The following FBXW12 variants were observed in gnomAD, a reference collection of about 807,000 sequenced individuals.
The protein encoded by FBXW12 is F-box/WD repeat-containing protein 12.
FBXW12 carries 43 observed loss-of-function variants against 55.3 expected under a neutral mutation model. The ratio of observed to expected loss-of-function variants is 0.78; its 90% CI spans 0.61 to 1.00. The LOEUF (loss-of-function observed/expected upper bound fraction) is 1.00, where lower values mean the gene tolerates loss of function less well. Among genes scored for constraint, FBXW12 ranks in the 50% least tolerant of loss-of-function variants. The probability of loss-of-function intolerance (pLI) is 0.00; values close to 1 mark genes in which losing one functional copy is unlikely to be tolerated. For missense variants in FBXW12, 524 were observed against 560.5 expected, an observed-to-expected ratio of 0.93 and a Z score of 0.66; for synonymous variants, 184 against 203.8, an observed-to-expected ratio of 0.90 and a Z score of 0.83.
At position 48,381,707 on chromosome 3, in the gene FBXW12, G is replaced by A. The variant is rs182301974; in HGVS notation, c.993G>A (p.Glu331=). ...TGGQTVIQAY[E]IASFQVAAHL... is the part of the protein sequence containing the mutation. ...CGTTTTACATGAAAACAGCATATGA[G>A]ATCGCAAGTTTCCAGGTGGCAGCTC... The change falls in exon 9 of 11, where the codon GAG becomes GAA. Residue 331 remains glutamate, a synonymous_variant. Coordinates refer to ENST00000296438, the MANE Select transcript of FBXW12 (RefSeq NM_207102.2). 6.4e-7 allele frequency: 1 copy of A among 1,572,966 alleles called. No homozygotes were observed. The highest frequency in any genetic ancestry group is 8.6e-7 in the Non-Finnish European group (1 of 1,160,640).
chr3:48,388,198 G>T (rs536659094), intron 10 of FBXW12, among the ~76,000 whole-genome samples: 3 of 152,182 alleles, frequency 2.0e-5, no homozygotes, highest in Admixed American at 6.5e-5. Context: ...CCCAAGATAT[G>T]CTCTATCTTG....
At chr3:48,387,547 GTT>G (rs2106649526) in intron 10 of FBXW12, among the ~76,000 whole-genome samples, 1 of 25,750 alleles carries the variant, frequency 3.9e-5, no homozygotes, top group Admixed American at 4.2e-4. Context: ...ATTTTTTCTA[GTT>G]TGTTTGTTTG....
chr3:48,375,635 A>G (rs1430709311), intron 5 of FBXW12, among the ~76,000 whole-genome samples, 163 bp downstream of exon 5: 1 of 152,240 alleles, frequency 6.6e-6, no homozygotes, highest in Non-Finnish European at 1.5e-5. Context: ...CATTTGGACC[A>G]TAGACACACA....
At position 48,380,834 on chromosome 3, in the gene FBXW12, A is replaced by G. The variant is rs1225725438; in HGVS notation, c.907A>G (p.Ser303Gly). ...VKNRITLMSQ[S>G]STGKKTEFIT... The stretch of plus-strand genomic sequence containing the variant: ...AAACAGGATAACACTGATGTCCCAA[A>G]GTAGCACTGGAAAAAAGACAGAATT... Residue 303 changes from serine to glycine, a missense_variant, in exon 8 of 11, where the codon AGT becomes GGT. Ser to Gly is a moderately conservative substitution (Grantham distance 56). Transcript: ENST00000296438. 2 of 1,614,196 alleles carry G rather than the reference A, an allele frequency of 1.2e-6. No individual in the cohort carries two copies. Among genetic ancestry groups the G allele is most frequent in the African/African-American group, 1.3e-5 (1 of 75,050 alleles).
intron 10 of FBXW12, among the ~76,000 whole-genome samples, chr3:48,382,485 G>A (rs1269787553): frequency 6.6e-6 from 1 of 152,172 alleles, no homozygotes; most frequent in African/African-American, 2.4e-5. Flanking sequence ...GTTCTCTGAG[G>A]ATAGATATCA....
intron 10 of FBXW12, among the ~76,000 whole-genome samples, chr3:48,388,531 G>A (rs1173039238): frequency 6.6e-6 from 1 of 151,912 alleles, no homozygotes; most frequent in Non-Finnish European, 1.5e-5. Context: ...AATCTTCTTT[G>A]CCCTGAGGTC....
intron 4 of FBXW12, 126 bp from the exon 5 acceptor site, chr3:48,375,228 T>G (rs947332465): frequency 3.0e-6 from 2 of 669,690 alleles, no homozygotes; most frequent in Non-Finnish European, 5.2e-6. Context: ...GGAGCCCAAT[T>G]TCTATCTTCT....
intron 10 of FBXW12, among the ~76,000 whole-genome samples, chr3:48,391,774 ATG>A (rs1365271221): frequency 1.3e-5 from 2 of 151,976 alleles, no homozygotes; most frequent in Non-Finnish European, 2.9e-5. Context: ...AATTCTGTTT[ATG>A]TGGGGAATCA....
chr3:48,382,128 T>TC, intron 10 of FBXW12, 43 bp downstream of exon 10: 1 of 1,608,540 alleles, frequency 6.2e-7, no homozygotes, highest in East Asian at 2.2e-5. Context: ...AAACAACTTT[T>TC]TTTTTTTGAG....
chr3:48,387,576 A>G (rs1487672224), intron 10 of FBXW12, among the ~76,000 whole-genome samples: 2 of 151,520 alleles, frequency 1.3e-5, no homozygotes, highest in Admixed American at 1.3e-4. Flanking sequence ...TTTAGACACA[A>G]TCTCAACCTG....
chr3:48,394,532 A>G, intron 10 of FBXW12, 28 bp from the exon 11 acceptor site: 1 of 1,316,576 alleles, frequency 7.6e-7, no homozygotes. Flanking sequence ...TCTTTTGTTC[A>G]CTGATGATCT....
intron 10 of FBXW12, among the ~76,000 whole-genome samples, chr3:48,390,180 T>C (rs1394367411): frequency 6.6e-6 from 1 of 152,208 alleles, no homozygotes; most frequent in African/African-American, 2.4e-5. Context: ...TCCTCCAGAT[T>C]GCTTTGGCTA....
At chr3:48,386,308 C>T (rs1363806261) in intron 10 of FBXW12, among the ~76,000 whole-genome samples, 1 of 152,128 alleles carries the variant, frequency 6.6e-6, no homozygotes, top group Non-Finnish European at 1.5e-5. Context: ...TATAAATGTG[C>T]AGGTTTATTT....
Position 48,373,575 on chromosome 3 carries a change from C to T in FBXW12, c.156C>T (p.Cys52=). ...CACTATCTCTGCAGAGATGGGACTG[C>T]AGCAACTTCACCAATCAACACCTGG... The part of the protein sequence containing the change: ...WRSLSLQRWD[C]SNFTNQHLGT... Residue 52 remains cysteine (C), a synonymous_variant, in exon 4 of 11, where the codon TGC becomes TGT. Transcript: ENST00000296438. The T allele has an allele frequency of 6.2e-7, 1 of 1,614,078 alleles. No homozygotes were observed. The highest frequency in any genetic ancestry group is 8.5e-7 in the Non-Finnish European group (1 of 1,179,980).
At chr3:48,376,480 C>T (rs1475014736) in intron 5 of FBXW12, among the ~76,000 whole-genome samples, 1 of 152,080 alleles carries the variant, frequency 6.6e-6, no homozygotes, top group Non-Finnish European at 1.5e-5. Context: ...AGATGATCTC[C>T]AAGGCGTGCA....
At chr3:48,379,628 CAGAGCTCAGTGAG>C in intron 7 of FBXW12, 70 bp downstream of exon 7, 1 of 1,392,546 alleles carries the variant, frequency 7.2e-7, no homozygotes, top group Admixed American at 1.7e-5. Context: ...AGAGAAACTG[CAGAGCTCAGTGAG>C]GACCAGGCAC....
chr3:48,393,584 G>T (rs1261527478), intron 10 of FBXW12, among the ~76,000 whole-genome samples: 1 of 152,038 alleles, frequency 6.6e-6, no homozygotes. Flanking sequence ...ATATTCAATT[G>T]GAGTAGAGCA....
At chr3:48,379,363 T>C in intron 6 of FBXW12, 37 bp from the exon 7 acceptor site, 2 of 1,607,856 alleles carry the variant, frequency 1.2e-6, no homozygotes, top group African/African-American at 1.3e-5. Context: ...ATTTCACATA[T>C]CTTCCTATTG....
intron 10 of FBXW12, among the ~76,000 whole-genome samples, chr3:48,388,772 G>A (rs1213232709): frequency 6.6e-6 from 1 of 152,108 alleles, no homozygotes; most frequent in Non-Finnish European, 1.5e-5. Context: ...TATTTATGGG[G>A]TACAATATGA....
Sources: gnomAD v4.1 joint callset for allele counts (sites outside exome capture counted in the v4.1 genomes callset) on GRCh38, gnomAD v4.1.1 for gene constraint, MANE v1.5 for transcripts, NCBI Gene and HGNC (gene_info 2026-07-23, HGNC 2026-07-21) for gene names.